The following DTL variants were observed in gnomAD, a reference collection of about 807,000 sequenced individuals.
The protein encoded by DTL is denticleless E3 ubiquitin protein ligase adapter.
In DTL, 46 loss-of-function variants were observed where a neutral mutation model predicts 87.0. That is an observed-to-expected ratio of 0.53 (90% CI 0.42 to 0.68). DTL has a LOEUF of 0.68. Among genes scored for constraint, DTL ranks in the 30% least tolerant of loss-of-function variants. The probability of loss-of-function intolerance (pLI) is 0.00; values close to 1 mark genes in which losing one functional copy is unlikely to be tolerated. For synonymous variants in DTL, 308 were observed against 311.2 expected (o/e 0.99, Z 0.11); for missense variants, 737 against 869.4 (o/e 0.85, Z 1.91).
In DTL at chr1:212,080,757, A is replaced by T; in HGVS notation, c.1261+7A>T. ...GAGTCAAGACCTGGCCTAGGTAAGG[A>T]TATCATATACTTTCCAAGTTTTTTA... On this transcript the variant is annotated splice_region_variant and intron_variant, in intron 13 of 14. Coordinates refer to ENST00000366991, the MANE Select transcript of DTL (RefSeq NM_016448.4). 1 of 1,613,090 alleles carries T rather than the reference A, an allele frequency of 6.2e-7. No homozygotes were observed. Among genetic ancestry groups the T allele is most frequent in the Non-Finnish European group, 8.5e-7 (1 of 1,179,342 alleles).
At chr1:212,048,049 C>T (rs1667858060) in intron 5 of DTL, among the ~76,000 whole-genome samples, 1 of 152,142 alleles carries the variant, frequency 6.6e-6, no homozygotes, top group Non-Finnish European at 1.5e-5. Context: ...TTGTACTGGG[C>T]ACTCATTAAC....
At chr1:212,040,410 C>T (rs893031927) in intron 1 of DTL, among the ~76,000 whole-genome samples, 4 of 152,144 alleles carry the variant, frequency 2.6e-5, no homozygotes, top group Non-Finnish European at 4.4e-5. Flanking sequence ...GTGTTTTTTA[C>T]TATACAGACA....
At chr1:212,071,671 A>C (rs1654674768) in intron 10 of DTL, among the ~76,000 whole-genome samples, 1 of 152,210 alleles carries the variant, frequency 6.6e-6, no homozygotes, top group African/African-American at 2.4e-5. Context: ...AGGAAAAAGT[A>C]AGATATAAAA....
chr1:212,052,099 AGTT>A, intron 5 of DTL: 1 of 736,492 alleles, frequency 1.4e-6, no homozygotes. Flanking sequence ...TCATTGCTAA[AGTT>A]GTTCCACTAT....
Position 212,100,354 on chromosome 1 carries a change from C to A in DTL, c.1364C>A (p.Ala455Asp), listed in dbSNP as rs764636943. 1 of 1,613,970 alleles carries A rather than the reference C, an allele frequency of 6.2e-7. No homozygotes were observed. The highest frequency in any genetic ancestry group is 1.1e-5 in the South Asian group (1 of 91,066). ...TCCGCAGCTTGTGCCCCAAGCTGTG[C>A]TGGAGACCTCCCTCTTCCTTCAAAT... The part of the protein sequence containing the change: ...PSSAACAPSC[A>D]GDLPLPSNTP... Residue 455 changes from alanine (A) to aspartate (D), a missense_variant, in exon 14 of 15, where the codon GCT becomes GAT. By Grantham distance (126) the Ala-to-Asp change is moderately radical. Transcript: ENST00000366991.
In DTL at chr1:212,104,437, C is replaced by T. The variant is rs1027532090; in HGVS notation, c.*1497C>T. The T allele has an allele frequency of 2.0e-5, 3 of 152,098 alleles. No individual in the cohort carries two copies. Among genetic ancestry groups the T allele is most frequent in the African/African-American group, 7.2e-5 (3 of 41,398 alleles). 9.4% of individuals were successfully genotyped at this position (152,098 alleles called of 1,614,324 possible). A position where few individuals can be genotyped will look rare whatever the true frequency, so the allele number is the denominator to read the frequency against. On this transcript the variant is annotated 3_prime_UTR_variant, in exon 15 of 15. Coordinates refer to ENST00000366991, the MANE Select transcript of DTL (RefSeq NM_016448.4). ...CTGGTCAAAACCAAGCACACCATAG[C>T]CTTAACTGAATATTTAGGAAATCTG...
chr1:212,080,184 G>T (rs1654949650), intron 12 of DTL, among the ~76,000 whole-genome samples: 1 of 152,172 alleles, frequency 6.6e-6, no homozygotes, highest in South Asian at 2.1e-4. Flanking sequence ...TGCAAATGGT[G>T]CCATTACTTT....
In DTL at chr1:212,074,841, G is replaced by A. The variant is rs911991722; in HGVS notation, c.1035+2628G>A. Among the ~76,000 whole-genome samples, 3 of 152,286 alleles carry A rather than the reference G, an allele frequency of 2.0e-5. No individual in the cohort carries two copies. The East Asian group carries it at 5.8e-4, about 29-fold the overall frequency. On this transcript the variant is annotated intron_variant, in intron 11 of 14. Coordinates refer to ENST00000366991, the MANE Select transcript of DTL (RefSeq NM_016448.4). The stretch of plus-strand genomic sequence containing the variant: ...GAAGGGAGTTTTGTATCTTAAGACA[G>A]AAGAGAATGGCCTCTTAATCCTCAC...
intron 2 of DTL, among the ~76,000 whole-genome samples, chr1:212,043,443 A>T (rs781382830): frequency 1.3e-5 from 2 of 152,208 alleles, no homozygotes; most frequent in Non-Finnish European, 2.9e-5. Context: ...GGTTGAATGT[A>T]TCTTTCTGTG....
At chr1:212,089,599 A>T (rs985470438) in intron 13 of DTL, among the ~76,000 whole-genome samples, 10 of 152,196 alleles carry the variant, frequency 6.6e-5, no homozygotes, top group African/African-American at 1.4e-4. Context: ...ATTAACTTTC[A>T]TACTGTTATA....
chr1:212,044,623 G>A (rs1192684294), intron 2 of DTL, 37 bp from the exon 3 acceptor site: 17 of 1,242,434 alleles, frequency 1.4e-5, no homozygotes, highest in South Asian at 2.7e-5. Flanking sequence ...AAAAAATTGT[G>A]TTACTCTATA....
rs1221196553 is a variant in DTL at position 212,104,841 on chromosome 1, C to T, written c.*1901C>T. On this transcript the variant is annotated 3_prime_UTR_variant, in exon 15 of 15. Coordinates refer to ENST00000366991, the MANE Select transcript of DTL (RefSeq NM_016448.4). ...TGATCCTGAATAATAAAGCCTTTTACCTTATCTGATGTCCTTTTCTGAGCT... is the reference window on the plus strand; with the variant it reads ...TGATCCTGAATAATAAAGCCTTTTATCTTATCTGATGTCCTTTTCTGAGCT... The T allele has an allele frequency of 6.6e-6, 1 of 152,130 alleles. No homozygotes were observed. Among genetic ancestry groups the T allele is most frequent in the Non-Finnish European group, 1.5e-5 (1 of 68,032 alleles). 9.4% of individuals were successfully genotyped at this position (152,130 alleles called of 1,614,324 possible).
chr1:212,068,557 C>A, intron 9 of DTL, 42 bp from the exon 10 acceptor site: 2 of 1,249,070 alleles, frequency 1.6e-6, no homozygotes, highest in Non-Finnish European at 2.3e-6. Flanking sequence ...CAGATCTACT[C>A]ACCATCATCA....
chr1:212,076,002 A>G (rs147963847), intron 11 of DTL, among the ~76,000 whole-genome samples: 76 of 152,306 alleles, frequency 5.0e-4, no homozygotes, highest in African/African-American at 1.8e-3. Context: ...TTTACTTAGC[A>G]TAATATCGAG....
chr1:212,098,649 C>T (rs1193293271), intron 13 of DTL, among the ~76,000 whole-genome samples: 1 of 152,010 alleles, frequency 6.6e-6, no homozygotes, highest in Non-Finnish European at 1.5e-5. Context: ...GAGATTATGG[C>T]TGCCTCTGCT....
At chr1:212,074,197 T>C (rs773585615) in intron 11 of DTL, among the ~76,000 whole-genome samples, 2 of 151,500 alleles carry the variant, frequency 1.3e-5, no homozygotes, top group Non-Finnish European at 2.9e-5. Context: ...GTATAGTTTC[T>C]TGATAGTTTT....
At chr1:212,063,073 G>A in intron 6 of DTL, 124 bp downstream of exon 6, 1 of 712,350 alleles carries the variant, frequency 1.4e-6, no homozygotes, top group Non-Finnish European at 2.5e-6. Context: ...TCCCATTTCT[G>A]CTCACTGTTC....
At chr1:212,073,928 T>A (rs1654755200) in intron 11 of DTL, among the ~76,000 whole-genome samples, 1 of 152,052 alleles carries the variant, frequency 6.6e-6, no homozygotes, top group Non-Finnish European at 1.5e-5. Flanking sequence ...TTTTGCTACC[T>A]TTTTCCTTTC....
At chr1:212,088,950 G>A (rs1558088726) in intron 13 of DTL, among the ~76,000 whole-genome samples, 1 of 152,204 alleles carries the variant, frequency 6.6e-6, no homozygotes, top group Non-Finnish European at 1.5e-5. Flanking sequence ...GCTAGGCATG[G>A]TGGCACACGC....
Sources: gnomAD v4.1 joint callset for allele counts (sites outside exome capture counted in the v4.1 genomes callset) on GRCh38, gnomAD v4.1.1 for gene constraint, MANE v1.5 for transcripts, NCBI Gene and HGNC (gene_info 2026-07-23, HGNC 2026-07-21) for gene names.